Variants in KCNIP4 observed in about 807,000 individuals in gnomAD.
The protein encoded by KCNIP4 is potassium voltage-gated channel interacting protein 4.
In KCNIP4, 12 loss-of-function variants were observed where a neutral mutation model predicts 34.0. That is an observed-to-expected ratio of 0.35 (90% CI 0.23 to 0.57). The LOEUF (loss-of-function observed/expected upper bound fraction) is 0.57, where lower values mean the gene tolerates loss of function less well. Ranked by LOEUF, KCNIP4 falls within the 20% of genes least tolerant of loss-of-function variation. The probability of loss-of-function intolerance (pLI) is 0.83; values close to 1 mark genes in which losing one functional copy is unlikely to be tolerated. For synonymous variants in KCNIP4, 124 were observed against 102.2 expected (o/e 1.21, Z -1.29); for missense variants, 238 against 311.7 (o/e 0.76, Z 1.78).
intron 1 of KCNIP4, among the ~76,000 whole-genome samples, chr4:21,394,321 G>T (rs974652648): frequency 6.6e-6 from 1 of 151,896 alleles, no homozygotes; most frequent in Admixed American, 6.6e-5. Flanking sequence ...TCACTTCTTC[G>T]GGGGACAGTC....
intron 1 of KCNIP4, among the ~76,000 whole-genome samples, chr4:21,560,955 A>G (rs999931539): frequency 6.6e-6 from 1 of 152,070 alleles, no homozygotes; most frequent in African/African-American, 2.4e-5. Context: ...GCAGAATTAA[A>G]AGGAAAGAAA....
intron 1 of KCNIP4, among the ~76,000 whole-genome samples, chr4:21,079,507 C>A (rs1745814936): frequency 1.3e-5 from 2 of 150,022 alleles, no homozygotes; most frequent in African/African-American, 2.5e-5. Flanking sequence ...TCTCATTTTG[C>A]CAAACCAGAT....
chr4:20,745,813 T>C (rs894365028), intron 5 of KCNIP4, among the ~76,000 whole-genome samples: 18 of 152,260 alleles, frequency 1.2e-4, no homozygotes, highest in African/African-American at 4.3e-4. Context: ...CTCCCCTGAC[T>C]CCCTGCCAAT....
At chr4:21,344,480 A>G (rs1717091107) in intron 1 of KCNIP4, among the ~76,000 whole-genome samples, 1 of 152,176 alleles carries the variant, frequency 6.6e-6, no homozygotes, top group Non-Finnish European at 1.5e-5. Context: ...AGAGAGTTTT[A>G]AGAAACAGTG....
chr4:21,178,310 G>A lies in KCNIP4; in HGVS notation c.62-295601C>T, dbSNP rs1395599445. Among the ~76,000 whole-genome samples the A allele has an allele frequency of 2.6e-5, 4 of 152,130 alleles. No individual in the cohort carries two copies. The East Asian group carries it at 5.8e-4, about 22-fold the overall frequency. ...GAAAGTTCTTTCATCTATTTCTCCA[G>A]TTAGAAAACATAAACATTGGTTGGA... On this transcript the variant is annotated intron_variant, in intron 1 of 8. Coordinates refer to ENST00000382152, the MANE Select transcript of KCNIP4 (RefSeq NM_025221.6).
intron 1 of KCNIP4, among the ~76,000 whole-genome samples, chr4:21,556,798 G>A (rs966020967): frequency 2.0e-5 from 3 of 151,422 alleles, no homozygotes; most frequent in Non-Finnish European, 4.4e-5. Flanking sequence ...GCAGGTGCCT[G>A]TAATCCCAGC....
intron 3 of KCNIP4, among the ~76,000 whole-genome samples, chr4:20,832,727 A>T (rs200280584): frequency 2.5e-5 from 2 of 80,882 alleles, no homozygotes; most frequent in East Asian, 6.0e-4. Context: ...CTTTTTATTT[A>T]AAAAAAAAAA....
At chr4:20,958,950 C>A (rs1383416945) in intron 1 of KCNIP4, among the ~76,000 whole-genome samples, 1 of 152,140 alleles carries the variant, frequency 6.6e-6, no homozygotes, top group Non-Finnish European at 1.5e-5. Context: ...TTAACCTTTA[C>A]AGCTGTGAGA....
At chr4:21,550,514 G>C (rs918688399) in intron 1 of KCNIP4, among the ~76,000 whole-genome samples, 2 of 151,830 alleles carry the variant, frequency 1.3e-5, no homozygotes, top group African/African-American at 4.8e-5. Context: ...TCTTGCAATG[G>C]GTCATTTCAG....
At chr4:21,554,891 T>A (rs1461286989) in intron 1 of KCNIP4, among the ~76,000 whole-genome samples, 1 of 152,216 alleles carries the variant, frequency 6.6e-6, no homozygotes, top group Non-Finnish European at 1.5e-5. Flanking sequence ...AGGTACTGAA[T>A]AAATGTTAAA....
At chr4:21,606,737 G>A (rs905560853) in intron 1 of KCNIP4, among the ~76,000 whole-genome samples, 1 of 152,120 alleles carries the variant, frequency 6.6e-6, no homozygotes, top group Non-Finnish European at 1.5e-5. Context: ...GGGATAACAG[G>A]AGCGCATCAC....
Position 21,339,882 on chromosome 4 carries a change from A to G in KCNIP4, c.62-457173T>C, listed in dbSNP as rs181246358. On this transcript the variant is annotated intron_variant, in intron 1 of 8. Transcript: ENST00000382152. ...CTTACCAAAGAACAGGGCTGATGGT[A>G]TAGAAAACCTTTTGCCTTTCTTATA... 1.7e-3 allele frequency among the ~76,000 whole-genome samples: 253 copies of G among 152,298 alleles called. 2 individuals are homozygous for G. The highest frequency in any genetic ancestry group is 2.0e-3 in the Non-Finnish European group (135 of 68,000).
intron 1 of KCNIP4, among the ~76,000 whole-genome samples, chr4:20,885,902 A>C (rs1022914537): frequency 1.3e-5 from 2 of 152,160 alleles, no homozygotes; most frequent in Non-Finnish European, 2.9e-5. Flanking sequence ...CATCTGGTTA[A>C]TGCCTGTTCA....
chr4:21,360,362 C>T (rs948755084), intron 1 of KCNIP4, among the ~76,000 whole-genome samples: 2 of 151,708 alleles, frequency 1.3e-5, no homozygotes, highest in Non-Finnish European at 2.9e-5. Flanking sequence ...AAACCAACAG[C>T]GACAAAAAAC....
chr4:21,116,974 T>G (rs921116681), intron 1 of KCNIP4, among the ~76,000 whole-genome samples: 5 of 152,134 alleles, frequency 3.3e-5, no homozygotes, highest in Non-Finnish European at 4.4e-5. Flanking sequence ...TATAATTAAT[T>G]AAAATACAAA....
In KCNIP4 at chr4:20,961,495, A is replaced by G. The variant is rs11936945; in HGVS notation, c.62-78786T>C. Among the ~76,000 whole-genome samples, 1,191 of 152,312 alleles carry G rather than the reference A, an allele frequency of 7.8e-3. 17 individuals are homozygous for G. The highest frequency in any genetic ancestry group is 0.027 in the African/African-American group (1,124 of 41,572). ...CAAAGGCAACAATTCAAACTACCAC[A>G]GGAAATGAAAAAGAGTGTGCATTTG... On this transcript the variant is annotated intron_variant, in intron 1 of 8. Transcript: ENST00000382152.
At chr4:21,196,198 G>A (rs1480951365) in intron 1 of KCNIP4, among the ~76,000 whole-genome samples, 2 of 152,150 alleles carry the variant, frequency 1.3e-5, no homozygotes, top group Admixed American at 6.5e-5. Flanking sequence ...ATCACTTAAC[G>A]ATTTCAATGT....
chr4:20,806,032 T>C (rs1228112522), intron 3 of KCNIP4, among the ~76,000 whole-genome samples: 4 of 152,168 alleles, frequency 2.6e-5, no homozygotes, highest in African/African-American at 4.8e-5. Flanking sequence ...TTCTGAATTA[T>C]GTTTTTAAAT....
chr4:20,783,797 GAATTCAGATACCTCTT>G (rs1711554074), intron 3 of KCNIP4, among the ~76,000 whole-genome samples: 1 of 152,212 alleles, frequency 6.6e-6, no homozygotes, highest in East Asian at 1.9e-4. Context: ...TGCTTAATAG[GAATTCAGATACCTCTT>G]AATTTTTTAT....
Sources: gnomAD v4.1 joint callset for allele counts (sites outside exome capture counted in the v4.1 genomes callset) on GRCh38, gnomAD v4.1.1 for gene constraint, MANE v1.5 for transcripts, NCBI Gene and HGNC (gene_info 2026-07-23, HGNC 2026-07-21) for gene names.